Variants in INPP4B observed in about 807,000 individuals in gnomAD.
INPP4B encodes inositol polyphosphate-4-phosphatase type II B.
Under a neutral mutation model 122.5 loss-of-function variants are expected in INPP4B, and 55 were observed. The observed-to-expected ratio is 0.45, with a 90% confidence interval of 0.36 to 0.56. INPP4B has a LOEUF of 0.56. Ranked by LOEUF, INPP4B falls within the 20% of genes least tolerant of loss-of-function variation. INPP4B has a pLI of 0.00. For synonymous variants in INPP4B, 403 were observed against 388.7 expected (o/e 1.04, Z -0.43); for missense variants, 1,000 against 1,097.7 (o/e 0.91, Z 1.26).
At chr4:142,124,987 T>C (rs1206788083) in intron 18 of INPP4B, among the ~76,000 whole-genome samples, 6 of 152,140 alleles carry the variant, frequency 3.9e-5, no homozygotes, top group African/African-American at 1.4e-4. Flanking sequence ...ATTTAACATA[T>C]TTGCAGCAGA....
intron 9 of INPP4B, among the ~76,000 whole-genome samples, chr4:142,278,733 G>A (rs547796573): frequency 6.6e-6 from 1 of 152,062 alleles, no homozygotes; most frequent in Non-Finnish European, 1.5e-5. Flanking sequence ...AGGAAGTATG[G>A]AGGAGATTGT....
chr4:142,318,996 C>T (rs1768962112), intron 7 of INPP4B, among the ~76,000 whole-genome samples: 1 of 152,188 alleles, frequency 6.6e-6, no homozygotes, highest in Non-Finnish European at 1.5e-5. Context: ...TATTGCTGTC[C>T]TGAGGGTGGG....
chr4:142,369,498 G>T (rs1788917589), intron 7 of INPP4B, among the ~76,000 whole-genome samples: 1 of 151,166 alleles, frequency 6.6e-6, no homozygotes, highest in African/African-American at 2.4e-5. Flanking sequence ...GATCACTTGA[G>T]CCCAGGAGGT....
intron 5 of INPP4B, among the ~76,000 whole-genome samples, chr4:142,406,321 C>A (rs138569003): frequency 1.3e-5 from 2 of 152,144 alleles, no homozygotes; most frequent in African/African-American, 4.8e-5. Context: ...CTATACCATC[C>A]CTACCCCACT....
chr4:142,588,711 G>T (rs1736774719), intron 2 of INPP4B, among the ~76,000 whole-genome samples: 3 of 151,496 alleles, frequency 2.0e-5, no homozygotes, highest in Non-Finnish European at 4.4e-5. Flanking sequence ...TAAATGAAAA[G>T]ATATCCCATG....
At chr4:142,299,450 C>T (rs147776313) in intron 9 of INPP4B, among the ~76,000 whole-genome samples, 4 of 151,714 alleles carry the variant, frequency 2.6e-5, no homozygotes, top group East Asian at 3.9e-4. Context: ...CCATCGCATC[C>T]GGCCTTGTTC....
chr4:142,808,506 C>G lies in INPP4B; in HGVS notation c.-254+37703G>C, dbSNP rs57639862. ...ATCTCAGCTGTACTTCCCACTGTAC[C>G]CATCTTTTTCCAGGGCAACAGACTA... On this transcript the variant is annotated intron_variant, in intron 1 of 25. Transcript: ENST00000262992. Among the ~76,000 whole-genome samples the G allele has an allele frequency of 7.9e-3, 1,201 of 152,118 alleles. 16 individuals are homozygous for G. The highest frequency in any genetic ancestry group is 0.027 in the African/African-American group (1,130 of 41,494).
chr4:142,822,648 C>A (rs970255464), intron 1 of INPP4B, among the ~76,000 whole-genome samples: 1 of 152,146 alleles, frequency 6.6e-6, no homozygotes, highest in Non-Finnish European at 1.5e-5. Flanking sequence ...TAAAAACTGT[C>A]TTCCATGAAA....
chr4:142,315,221 C>A (rs960680), intron 7 of INPP4B, among the ~76,000 whole-genome samples: 18,277 of 117,346 alleles, frequency 0.16, 1,354 homozygotes, highest in Middle Eastern at 0.26. Context: ...TATGTACCTC[C>A]TAAGTATGTA....
At position 142,118,747 on chromosome 4, in the gene INPP4B, G is replaced by T. The variant is rs1273507332; in HGVS notation, c.2135+3381C>A. On this transcript the variant is annotated intron_variant, in intron 21 of 25. Transcript: ENST00000262992. ...ACATAGGCATGGGCAAGGACTTCAT[G>T]ACTAAAACACCAAAAGCAATGGCAA... 9.2e-5 allele frequency among the ~76,000 whole-genome samples: 14 copies of T among 152,248 alleles called. No individual in the cohort carries two copies. The South Asian group carries it at 2.9e-3, about 32-fold the overall frequency.
chr4:142,824,129 C>A (rs1781136576), intron 1 of INPP4B, among the ~76,000 whole-genome samples: 1 of 152,048 alleles, frequency 6.6e-6, no homozygotes, highest in Non-Finnish European at 1.5e-5. Context: ...ACCATGGCCC[C>A]CCCAGGTTCT....
intron 1 of INPP4B, among the ~76,000 whole-genome samples, chr4:142,749,990 C>T (rs1444123139): frequency 1.3e-5 from 2 of 151,896 alleles, no homozygotes; most frequent in Non-Finnish European, 2.9e-5. Context: ...TTCACCACCT[C>T]ATGGCTATGC....
intron 2 of INPP4B, among the ~76,000 whole-genome samples, chr4:142,581,485 ATT>A: frequency 6.7e-6 from 1 of 149,184 alleles, no homozygotes; most frequent in African/African-American, 2.5e-5. Flanking sequence ...TAGAAGTTCC[ATT>A]TCTATCTATT....
At position 142,465,737 on chromosome 4, in the gene INPP4B, G is replaced by A. The variant is rs184110745; in HGVS notation, c.-190-3011C>T. Among the ~76,000 whole-genome samples, 1,438 of 152,246 alleles carry A rather than the reference G, an allele frequency of 9.4e-3. 10 individuals are homozygous for A. Among genetic ancestry groups the A allele is most frequent in the Non-Finnish European group, 0.017 (1,173 of 67,998 alleles). On this transcript the variant is annotated intron_variant, in intron 2 of 25. Coordinates refer to ENST00000262992, the MANE Select transcript of INPP4B (RefSeq NM_001101669.3). ...CCTAGTGGAAGGTGACCGGATCCTG[G>A]GGGAGGATCCTTCATGAATGGCTTA...
At chr4:142,762,351 T>A (rs1428525269) in intron 1 of INPP4B, among the ~76,000 whole-genome samples, 1 of 152,120 alleles carries the variant, frequency 6.6e-6, no homozygotes, top group Non-Finnish European at 1.5e-5. Flanking sequence ...TGCACAGATT[T>A]TCCTAAGTTC....
chr4:142,054,462 A>C (rs898511443), intron 25 of INPP4B, among the ~76,000 whole-genome samples: 3 of 152,074 alleles, frequency 2.0e-5, no homozygotes, highest in African/African-American at 7.2e-5. Context: ...GCTTAGAAAA[A>C]GATGCTTCAT....
At chr4:142,151,758 T>C (rs906874381) in intron 17 of INPP4B, among the ~76,000 whole-genome samples, 17 of 152,218 alleles carry the variant, frequency 1.1e-4, no homozygotes, top group Admixed American at 8.5e-4. Flanking sequence ...ATAATTCTTA[T>C]GTCTCATTAG....
intron 25 of INPP4B, chr4:142,030,002 AACT>A: frequency 7.2e-7 from 1 of 1,380,876 alleles, no homozygotes; most frequent in Non-Finnish European, 9.4e-7. Context: ...AGGAAAAACA[AACT>A]AAACACAATT....
At chr4:142,344,131 C>A (rs1040309655) in intron 7 of INPP4B, among the ~76,000 whole-genome samples, 1 of 151,920 alleles carries the variant, frequency 6.6e-6, no homozygotes, top group Admixed American at 6.6e-5. Context: ...CCATTCATAC[C>A]ATCTAAAATA....
Sources: allele counts gnomAD v4.1 joint callset (sites outside exome capture counted in the v4.1 genomes callset), GRCh38; gene constraint gnomAD v4.1.1; transcripts MANE v1.5; gene names NCBI Gene and HGNC (gene_info 2026-07-23, HGNC 2026-07-21).